Variants in LIPI observed in about 807,000 individuals in gnomAD.
The protein encoded by LIPI is lipase member I.
Under a neutral mutation model 50.6 loss-of-function variants are expected in LIPI, and 59 were observed. The observed-to-expected ratio is 1.16, with a 90% CI of 0.94 to 1.45. The LOEUF (loss-of-function observed/expected upper bound fraction) is 1.45. LIPI is among the 40% of genes most tolerant of loss of function. The pLI is 0.00. For missense variants in LIPI, 586 were observed against 536.3 expected (o/e 1.09, Z -0.92); for synonymous variants, 203 against 178.2 (o/e 1.14, Z -1.11).
At chr21:14,208,993 G>T (rs1294131931) in intron 1 of LIPI, among the ~76,000 whole-genome samples, 1 of 152,162 alleles carries the variant, frequency 6.6e-6, no homozygotes, top group East Asian at 1.9e-4. Context: ...CGAGGCTGTA[G>T]TGAGCCATGA....
chr21:14,127,411 C>A (rs1002066104), intron 9 of LIPI, among the ~76,000 whole-genome samples: 43 of 152,286 alleles, frequency 2.8e-4, no homozygotes, highest in Middle Eastern at 3.4e-3. Context: ...TTTTGCTCAA[C>A]AACCACAAAA....
intron 2 of LIPI, among the ~76,000 whole-genome samples, chr21:14,187,113 T>A (rs74734528): frequency 0.013 from 1,974 of 152,234 alleles, 36 homozygotes; most frequent in African/African-American, 0.045. Flanking sequence ...GAAATTAATT[T>A]TATGGATTTT....
At position 14,144,718 on chromosome 21, in the gene LIPI, A is replaced by C; in HGVS notation, c.1200T>G (p.Ile400Met). The C allele has an allele frequency of 6.4e-7, 1 of 1,560,772 alleles. No homozygotes were observed. Among genetic ancestry groups the C allele is most frequent in the Non-Finnish European group, 8.8e-7 (1 of 1,131,850 alleles). The change falls in exon 9 of 10, where the codon ATT becomes ATG. Residue 400 changes from isoleucine to methionine, a missense_variant. By Grantham distance (10) the Ile-to-Met change is conservative (BLOSUM62 1). Coordinates refer to ENST00000681601, the MANE Select transcript of LIPI (RefSeq NM_001302998.2). ...TTGAGCTCTGGAAATATGTCAAACC[A>C]ATGCTTGAAATATTTACAAAGTCAT... ...FYNDFVNISS[I>M]GLTYFQSSNL...
chr21:14,134,987 C>T (rs11909472), intron 9 of LIPI, among the ~76,000 whole-genome samples: 4,152 of 152,074 alleles, frequency 0.027, 183 homozygotes, highest in African/African-American at 0.091. Flanking sequence ...AACAATCAAC[C>T]GAGTAAACAG....
intron 3 of LIPI, among the ~76,000 whole-genome samples, chr21:14,182,145 T>C (rs967413762): frequency 1.3e-5 from 2 of 152,124 alleles, no homozygotes; most frequent in African/African-American, 4.8e-5. Context: ...AATAAAGTAG[T>C]TTATATTTAA....
At chr21:14,175,411 C>T (rs184634052) in intron 4 of LIPI, among the ~76,000 whole-genome samples, 3 of 152,148 alleles carry the variant, frequency 2.0e-5, no homozygotes, top group African/African-American at 7.2e-5. Context: ...TTCATAATGT[C>T]CTGACTTTTT....
At chr21:14,196,860 A>C (rs1458542195) in intron 1 of LIPI, among the ~76,000 whole-genome samples, 1 of 152,134 alleles carries the variant, frequency 6.6e-6, no homozygotes, top group African/African-American at 2.4e-5. Flanking sequence ...AAGTACATTT[A>C]AATGTGTGTA....
At chr21:14,121,741 G>A (rs1319011373) in intron 9 of LIPI, among the ~76,000 whole-genome samples, 3 of 152,176 alleles carry the variant, frequency 2.0e-5, no homozygotes, top group South Asian at 2.1e-4. Context: ...CATCACAGCC[G>A]ACAAACCTGC....
chr21:14,157,082 G>A (rs2123115387), intron 7 of LIPI, among the ~76,000 whole-genome samples: 1 of 151,914 alleles, frequency 6.6e-6, no homozygotes, highest in South Asian at 2.1e-4. Flanking sequence ...TTAACCAAGG[G>A]GATTTATAAG....
At chr21:14,147,138 T>C (rs1379405315) in intron 8 of LIPI, among the ~76,000 whole-genome samples, 1 of 152,116 alleles carries the variant, frequency 6.6e-6, no homozygotes, top group Non-Finnish European at 1.5e-5. Flanking sequence ...CATGCTTCTC[T>C]ATGCTTCAGA....
At chr21:14,192,728 C>A (rs1258875032) in intron 1 of LIPI, among the ~76,000 whole-genome samples, 1 of 152,158 alleles carries the variant, frequency 6.6e-6, no homozygotes, top group African/African-American at 2.4e-5. Flanking sequence ...GAAAAACTAT[C>A]AACCTAGAAT....
intron 1 of LIPI, among the ~76,000 whole-genome samples, chr21:14,206,216 C>G (rs2020221111): frequency 6.6e-6 from 1 of 152,118 alleles, no homozygotes; most frequent in Non-Finnish European, 1.5e-5. Context: ...ACGTGAGCAG[C>G]TGAGACTCAA....
chr21:14,205,551 C>G (rs574750157), intron 1 of LIPI, among the ~76,000 whole-genome samples: 1 of 151,722 alleles, frequency 6.6e-6, no homozygotes, highest in East Asian at 1.9e-4. Context: ...CACATACCTC[C>G]CCCCACACAC....
intron 1 of LIPI, among the ~76,000 whole-genome samples, chr21:14,204,448 A>G (rs1198586498): frequency 2.6e-5 from 4 of 152,060 alleles, no homozygotes; most frequent in Non-Finnish European, 5.9e-5. Context: ...AATATCATGA[A>G]GTAAATTCTG....
chr21:14,184,477 A>G (rs1233366678), intron 3 of LIPI, among the ~76,000 whole-genome samples: 2 of 152,090 alleles, frequency 1.3e-5, no homozygotes. Flanking sequence ...AAAGTATAAT[A>G]ATAATAAAAT....
At chr21:14,177,037 T>C (rs1303044291) in intron 4 of LIPI, among the ~76,000 whole-genome samples, 1 of 152,138 alleles carries the variant, frequency 6.6e-6, no homozygotes, top group African/African-American at 2.4e-5. Context: ...AAATGTCTAT[T>C]AGATCAATTG....
intron 1 of LIPI, among the ~76,000 whole-genome samples, chr21:14,200,282 C>T (rs1420577807): frequency 1.3e-5 from 2 of 152,066 alleles, no homozygotes; most frequent in Non-Finnish European, 2.9e-5. Context: ...AAATAAAAGG[C>T]ATCCAAATAG....
At chr21:14,166,548 C>T in intron 4 of LIPI, 97 bp from the exon 5 acceptor site, 1 of 732,656 alleles carries the variant, frequency 1.4e-6, no homozygotes, top group Non-Finnish European at 2.5e-6. Context: ...GAAAGTTACT[C>T]TTTAAATATT....
At chr21:14,205,339 A>C (rs993035300) in intron 1 of LIPI, among the ~76,000 whole-genome samples, 11 of 151,934 alleles carry the variant, frequency 7.2e-5, no homozygotes, top group African/African-American at 2.7e-4. Flanking sequence ...TGCAGCATTT[A>C]AGAAATTATG....
Sources: allele counts gnomAD v4.1 joint callset (sites outside exome capture counted in the v4.1 genomes callset), GRCh38; gene constraint gnomAD v4.1.1; transcripts MANE v1.5; gene names NCBI Gene and HGNC (gene_info 2026-07-23, HGNC 2026-07-21).